Variants in GSAP observed in about 807,000 individuals in gnomAD.
GSAP encodes the protein gamma-secretase-activating protein.
A neutral mutation model predicts 131.7 loss-of-function variants in GSAP; 118 were observed. The ratio of observed to expected loss-of-function variants is 0.90; its 90% CI spans 0.77 to 1.04. The LOEUF is 1.04. GSAP is among the 50% of genes least tolerant of loss of function. The probability of loss-of-function intolerance (pLI) is 0.00; values close to 1 mark genes in which losing one functional copy is unlikely to be tolerated. For missense variants in GSAP, 1,019 were observed against 1,013.2 expected, an observed-to-expected ratio of 1.01 and a Z score of -0.08; for synonymous variants, 381 against 363.4, an observed-to-expected ratio of 1.05 and a Z score of -0.55.
At chr7:77,350,707 C>T (rs1792736068) in intron 18 of GSAP, among the ~76,000 whole-genome samples, 1 of 152,044 alleles carries the variant, frequency 6.6e-6, no homozygotes, top group Non-Finnish European at 1.5e-5. Context: ...TGCACCATTG[C>T]ACTCCAGACT....
At chr7:77,337,654 GTC>G (rs913582972) in intron 19 of GSAP, among the ~76,000 whole-genome samples, 22 of 152,268 alleles carry the variant, frequency 1.4e-4, no homozygotes, top group African/African-American at 4.8e-4. Context: ...GTCCTTCCCA[GTC>G]TCTGAGTCAG....
At chr7:77,343,789 T>C (rs937497462) in intron 19 of GSAP, among the ~76,000 whole-genome samples, 1 of 152,196 alleles carries the variant, frequency 6.6e-6, no homozygotes, top group African/African-American at 2.4e-5. Context: ...CACAGGCCCA[T>C]TCTATTCTGT....
chr7:77,311,965 T>C, intron 29 of GSAP, 25 bp from the exon 30 acceptor site: 1 of 1,367,426 alleles, frequency 7.3e-7, no homozygotes, highest in Middle Eastern at 1.8e-4. Context: ...ACTTCTGGTG[T>C]AAGCTGATTC....
intron 16 of GSAP, among the ~76,000 whole-genome samples, chr7:77,354,360 G>T (rs1793349910): frequency 6.6e-6 from 1 of 152,166 alleles, no homozygotes. Flanking sequence ...AGTAAAAGTT[G>T]AATGCTTTGT....
intron 6 of GSAP, among the ~76,000 whole-genome samples, chr7:77,384,983 T>C (rs573161222): frequency 1.1e-4 from 16 of 151,494 alleles, no homozygotes; most frequent in Non-Finnish European, 1.9e-4. Context: ...TTATTTGGGT[T>C]GGGACTTTTC....
Position 77,416,342 on chromosome 7 carries a change from G to C in GSAP, c.-21C>G. On this transcript the variant is annotated 5_prime_UTR_variant, in exon 1 of 31. Coordinates refer to ENST00000257626, the MANE Select transcript of GSAP (RefSeq NM_017439.4). Reference sequence around the variant, plus strand: ...GCCATCGCCCGGACACGACCACCGGGCGGCTCTGGGGCCCCGCACCGCGGG... The same window carrying C: ...GCCATCGCCCGGACACGACCACCGGCCGGCTCTGGGGCCCCGCACCGCGGG... The C allele has an allele frequency of 7.0e-7, 1 of 1,436,860 alleles. No homozygotes were observed. Among genetic ancestry groups the C allele is most frequent in the East Asian group, 3.0e-5 (1 of 33,270 alleles). 89.0% of individuals were successfully genotyped at this position (1,436,860 alleles called of 1,614,324 possible).
rs1284651489 is a variant in GSAP at position 77,352,938 on chromosome 7, A to G, written c.1491+6T>C. The stretch of plus-strand genomic sequence containing the variant: ...TTTGCATACAGCATACACAGTGTTA[A>G]CTTACTGTATTCCAAGTGAGCACTG... On this transcript the variant is annotated splice_donor_region_variant and intron_variant, in intron 18 of 30. Transcript: ENST00000257626. The G allele has an allele frequency of 2.6e-6, 4 of 1,524,548 alleles. No individual in the cohort carries two copies. Among genetic ancestry groups the G allele is most frequent in the Non-Finnish European group, 3.6e-6 (4 of 1,098,610 alleles). 94.4% of individuals were successfully genotyped at this position (1,524,548 alleles called of 1,614,324 possible). A position where few individuals can be genotyped will look rare whatever the true frequency, so the allele number is the denominator to read the frequency against.
intron 12 of GSAP, 144 bp downstream of exon 12, chr7:77,373,926 T>G (rs1354433387): frequency 1.6e-6 from 1 of 626,528 alleles, no homozygotes; most frequent in Non-Finnish European, 2.9e-6. Context: ...TTAATGAAGA[T>G]TTGATACATG....
intron 16 of GSAP, 44 bp from the exon 17 acceptor site, chr7:77,353,685 C>A: frequency 8.4e-7 from 1 of 1,193,602 alleles, no homozygotes; most frequent in South Asian, 1.2e-5. Context: ...TAAATCTGCT[C>A]TCTGCCTCCA....
chr7:77,325,189 A>G (rs922180134), intron 23 of GSAP, among the ~76,000 whole-genome samples: 2 of 152,066 alleles, frequency 1.3e-5, no homozygotes, highest in Non-Finnish European at 2.9e-5. Context: ...TCCTTCTTGT[A>G]TATGTGAGAT....
At chr7:77,339,292 A>T (rs984611981) in intron 19 of GSAP, among the ~76,000 whole-genome samples, 2 of 152,128 alleles carry the variant, frequency 1.3e-5, no homozygotes, top group Admixed American at 1.3e-4. Flanking sequence ...AGAGATGAGG[A>T]AACAAATGAG....
intron 8 of GSAP, among the ~76,000 whole-genome samples, chr7:77,379,223 A>T (rs1584610654): frequency 6.6e-6 from 1 of 152,158 alleles, no homozygotes; most frequent in East Asian, 1.9e-4. Flanking sequence ...CCCAGGTTCA[A>T]ATCTCAGTTT....
At chr7:77,353,809 G>A in intron 16 of GSAP, 168 bp from the exon 17 acceptor site, 1 of 497,156 alleles carries the variant, frequency 2.0e-6, no homozygotes, top group East Asian at 3.3e-5. Flanking sequence ...GCAATTCTGG[G>A]TAGGTAAAAC....
rs57255266 is a variant in GSAP at position 77,411,098 on chromosome 7, TAA to T, written c.110-4995_110-4994del. 3.9e-3 allele frequency among the ~76,000 whole-genome samples: 424 copies of T among 108,828 alleles called. 1 individual carries two copies. The highest frequency in any genetic ancestry group is 4.8e-3 in the Middle Eastern group (1 of 208). The allele number at this position is 108,828 out of a possible 152,430, so 71.4% of individuals were successfully genotyped here. ...AGGACAGATAGTGGCAAGAAAATAG[TAA>T]AAAAAAAAAAAAAAAAAAAGTGAAA... On this transcript the variant is annotated intron_variant, in intron 1 of 30. Coordinates refer to ENST00000257626, the MANE Select transcript of GSAP (RefSeq NM_017439.4).
intron 12 of GSAP, among the ~76,000 whole-genome samples, chr7:77,369,249 T>C (rs548915721): frequency 1.3e-5 from 2 of 152,346 alleles, no homozygotes; most frequent in Admixed American, 6.5e-5. Flanking sequence ...CAGAGTTGAC[T>C]ATTAGGTAGG....
intron 21 of GSAP, 76 bp from the exon 22 acceptor site, chr7:77,328,713 T>A: frequency 2.3e-6 from 2 of 870,530 alleles, no homozygotes; most frequent in Non-Finnish European, 1.9e-6. Flanking sequence ...TACAAAGATA[T>A]CCTCCTTTAA....
chr7:77,374,061 C>A lies in GSAP; in HGVS notation c.871+9G>T. The A allele has an allele frequency of 7.0e-7, 1 of 1,434,406 alleles. No individual in the cohort carries two copies. Among genetic ancestry groups the A allele is most frequent in the South Asian group, 1.2e-5 (1 of 85,114 alleles). 88.9% of individuals were successfully genotyped at this position (1,434,406 alleles called of 1,614,324 possible). A position where few individuals can be genotyped will look rare whatever the true frequency, so the allele number is the denominator to read the frequency against. On this transcript the variant is annotated intron_variant, in intron 12 of 30. Coordinates refer to ENST00000257626, the MANE Select transcript of GSAP (RefSeq NM_017439.4). ...GTTGAATAAATTGATAAATACAACC[C>A]TAGTTTACCTGTATGGTTGGTAAAA...
At chr7:77,314,033 AAAAGG>A (rs1794701074) in intron 27 of GSAP, among the ~76,000 whole-genome samples, 2 of 152,184 alleles carry the variant, frequency 1.3e-5, no homozygotes, top group African/African-American at 4.8e-5. Flanking sequence ...TCTTGCACAG[AAAAGG>A]AATCTAATAG....
chr7:77,311,338 A>G lies in GSAP; in HGVS notation c.*20T>C. On this transcript the variant is annotated 3_prime_UTR_variant, in exon 31 of 31. Coordinates refer to ENST00000257626, the MANE Select transcript of GSAP (RefSeq NM_017439.4). ...AGCAAGATTAAAATGGCAGCAGCAG[A>G]TCCAATTGCGTTTTCTTTTTCATAA... is the stretch of plus-strand genomic sequence containing the variant. The G allele has an allele frequency of 7.1e-7, 1 of 1,410,586 alleles. No individual in the cohort carries two copies. Among genetic ancestry groups the G allele is most frequent in the Non-Finnish European group, 1.0e-6 (1 of 994,722 alleles). 87.4% of individuals were successfully genotyped at this position (1,410,586 alleles called of 1,614,324 possible).
Sources: allele counts gnomAD v4.1 joint callset (sites outside exome capture counted in the v4.1 genomes callset), GRCh38; gene constraint gnomAD v4.1.1; transcripts MANE v1.5; gene names NCBI Gene and HGNC (gene_info 2026-07-23, HGNC 2026-07-21).